ABCC3: variants seen among roughly 807,000 people sequenced by gnomAD.
The protein encoded by ABCC3 is ATP-binding cassette sub-family C member 3.
ABCC3 carries 121 observed loss-of-function variants against 165.3 expected under a neutral mutation model. The ratio of observed to expected loss-of-function variants is 0.73; its 90% CI spans 0.63 to 0.85. ABCC3 has a LOEUF of 0.85. Ranked by LOEUF, ABCC3 falls within the 40% of genes least tolerant of loss-of-function variation. ABCC3 has a pLI of 0.00. For synonymous variants in ABCC3, 733 were observed against 810.1 expected, an observed-to-expected ratio of 0.90 and a Z score of 1.62; for missense variants, 1,869 against 1,964.1, an observed-to-expected ratio of 0.95 and a Z score of 0.92.
At position 50,683,965 on chromosome 17, in the gene ABCC3, G is replaced by A. The variant is rs141856639; in HGVS notation, c.3971G>A (p.Arg1324His). ...HGGEKVGIVG[R>H]TGAGKSSMTL... ...TCCGCCCAGGTGGGGATCGTGGGCC[G>A]CACTGGGGCTGGCAAGTCTTCCATG... is the stretch of plus-strand genomic sequence containing the variant. Residue 1324 changes from arginine to histidine, a missense_variant, in exon 28 of 31, where the codon CGC (arginine) becomes CAC (histidine). Arg to His is a conservative substitution (Grantham distance 29). Transcript: ENST00000285238. 316 of 1,612,948 alleles carry A rather than the reference G, an allele frequency of 2.0e-4. 1 individual carries two copies. The African/African-American group carries it at 3.1e-3, about 16-fold the overall frequency.
chr17:50,663,338 G>A, intron 8 of ABCC3: 1 of 293,486 alleles, frequency 3.4e-6, no homozygotes, highest in South Asian at 5.3e-5. Context: ...CAGCCTAGGA[G>A]AAGGAGCAGG....
intron 26 of ABCC3, among the ~76,000 whole-genome samples, chr17:50,681,149 C>G (rs145281429): frequency 6.6e-6 from 1 of 152,190 alleles, no homozygotes; most frequent in Non-Finnish European, 1.5e-5. Flanking sequence ...GCTGCATGTT[C>G]CTGCTTTGCT....
In ABCC3 at chr17:50,660,962, C is replaced by T. The variant is rs757106214; in HGVS notation, c.846C>T (p.Gly282=). ...ASAAPGKNAS[G]EDEVLLGARP... The stretch of plus-strand genomic sequence containing the variant: ...CAGCACCTGGGAAAAATGCCTCCGG[C>T]GAGGACGAGGTGCTGCTGGGTGCCC... The change falls in exon 8 of 31, where the codon GGC becomes GGT. Residue 282 remains glycine, a synonymous_variant. Coordinates refer to ENST00000285238, the MANE Select transcript of ABCC3 (RefSeq NM_003786.4). The T allele has an allele frequency of 7.4e-6, 12 of 1,612,470 alleles. No homozygotes were observed. The highest frequency in any genetic ancestry group is 2.7e-5 in the African/African-American group (2 of 75,010).
In ABCC3 at chr17:50,691,209, C is replaced by G; in HGVS notation, c.*9C>G. On this transcript the variant is annotated 3_prime_UTR_variant, in exon 31 of 31. Transcript: ENST00000285238. ...ATGCTGGACTTGCCTAAAATATATT[C>G]CTGAGATTTCCTCCTGGCCTTTCCT... 6.3e-7 allele frequency: 1 copy of G among 1,595,906 alleles called. No homozygotes were observed.
intron 17 of ABCC3, among the ~76,000 whole-genome samples, chr17:50,672,030 C>A (rs1012178460): frequency 6.6e-6 from 1 of 151,916 alleles, no homozygotes; most frequent in African/African-American, 2.4e-5. Context: ...CCTCAGGTTT[C>A]TCTTTCTTTC....
intron 11 of ABCC3, among the ~76,000 whole-genome samples, chr17:50,665,538 C>T (rs1208738703): frequency 3.9e-5 from 6 of 152,152 alleles, no homozygotes; most frequent in Admixed American, 6.5e-5. Context: ...TTTCCCGCTG[C>T]ACTGTGCTAA....
intron 1 of ABCC3, among the ~76,000 whole-genome samples, chr17:50,649,511 A>G (rs995359998): frequency 5.3e-5 from 8 of 151,420 alleles, no homozygotes; most frequent in African/African-American, 1.9e-4. Flanking sequence ...TTGTTTACAT[A>G]TTGAATTATG....
intron 8 of ABCC3, among the ~76,000 whole-genome samples, chr17:50,662,601 G>A (rs1567830819): frequency 1.4e-5 from 2 of 140,964 alleles, no homozygotes; most frequent in African/African-American, 2.8e-5. Context: ...TGGCACCACC[G>A]CACTCCAGTC....
In ABCC3 at chr17:50,659,366, A is replaced by T. The variant is rs749273598; in HGVS notation, c.804A>T (p.Ala268=). 1.5e-5 allele frequency: 24 copies of T among 1,607,570 alleles called. No individual in the cohort carries two copies. The highest frequency in any genetic ancestry group is 1.7e-5 in the Non-Finnish European group (20 of 1,175,224). ...EAWRKQEKQT[A]RHKASAAPGK... The stretch of plus-strand genomic sequence containing the variant: ...GGAGGAAGCAGGAAAAGCAGACGGC[A>T]CGGTGAGGCCCTCCCCTTGCCCCAA... Residue 268 remains alanine (A), a splice_region_variant and synonymous_variant, in exon 7 of 31, where the codon GCA becomes GCT. Coordinates refer to ENST00000285238, the MANE Select transcript of ABCC3 (RefSeq NM_003786.4).
In ABCC3 at chr17:50,668,932, C is replaced by T. The variant is rs751112899; in HGVS notation, c.1937+13C>T. Reference sequence around the variant, plus strand: ...CCACTCTGCACAGGTACCAGCTTCTCCCACTCCCTTCCCAGCTGCCCACGG... The same window carrying T: ...CCACTCTGCACAGGTACCAGCTTCTTCCACTCCCTTCCCAGCTGCCCACGG... On this transcript the variant is annotated intron_variant, in intron 15 of 30. Transcript: ENST00000285238. 6.2e-7 allele frequency: 1 copy of T among 1,613,756 alleles called. No individual in the cohort carries two copies. The highest frequency in any genetic ancestry group is 1.6e-4 in the Middle Eastern group (1 of 6,062).
intron 1 of ABCC3, among the ~76,000 whole-genome samples, chr17:50,648,685 T>TGGTACTC (rs1245529074): frequency 1.3e-5 from 2 of 152,300 alleles, no homozygotes; most frequent in East Asian, 3.9e-4. Context: ...CCTTGGTCCT[T>TGGTACTC]GGTACTCTCA....
At chr17:50,643,848 G>C (rs1966936532) in intron 1 of ABCC3, among the ~76,000 whole-genome samples, 1 of 152,042 alleles carries the variant, frequency 6.6e-6, no homozygotes, top group Non-Finnish European at 1.5e-5. Flanking sequence ...AGATGCCATG[G>C]GGGGGGTCTT....
At position 50,684,695 on chromosome 17, in the gene ABCC3, CGTT is replaced by C. The variant is rs757438040; in HGVS notation, c.4114-11_4114-9del. 1 of 1,611,310 alleles carries C rather than the reference CGTT, an allele frequency of 6.2e-7. No individual in the cohort carries two copies. The highest frequency in any genetic ancestry group is 2.2e-5 in the East Asian group (1 of 44,804). On this transcript the variant is annotated splice_polypyrimidine_tract_variant and intron_variant, in intron 28 of 30. Transcript: ENST00000285238. ...CCTAAGCTGCCTCCCTCTGAGGCCA[CGTT>C]GTATCCCCAGGACCCCATCCTGTTC...
At chr17:50,673,920 CTTTCTTT>C (rs1967710195) in intron 19 of ABCC3, among the ~76,000 whole-genome samples, 2 of 13,984 alleles carry the variant, frequency 1.4e-4, no homozygotes, top group African/African-American at 7.4e-4. Context: ...TTCTTTCTTT[CTTTCTTT>C]CTTTCTTTCT....
intron 26 of ABCC3, among the ~76,000 whole-genome samples, chr17:50,681,387 T>G (rs1167314872): frequency 6.6e-6 from 1 of 152,138 alleles, no homozygotes; most frequent in Non-Finnish European, 1.5e-5. Flanking sequence ...ATCATCCCTT[T>G]CTGTTTCAAA....
At position 50,689,905 on chromosome 17, in the gene ABCC3, A is replaced by C. The variant is rs1039677059; in HGVS notation, c.4476-1187A>C. On this transcript the variant is annotated intron_variant, in intron 30 of 30. Coordinates refer to ENST00000285238, the MANE Select transcript of ABCC3 (RefSeq NM_003786.4). ...GATGGACCTTGGAGGTTGGGAGTTC[A>C]TTCATTCTAGTGGAACAGGCAGAAA... 3.1e-4 allele frequency among the ~76,000 whole-genome samples: 47 copies of C among 152,190 alleles called. 1 individual carries two copies. The highest frequency in any genetic ancestry group is 8.8e-5 in the Non-Finnish European group (6 of 68,042).
chr17:50,679,855 G>A lies in ABCC3; in HGVS notation c.3763G>A (p.Val1255Met), dbSNP rs778127283. 9.3e-6 allele frequency: 15 copies of A among 1,614,168 alleles called. No individual in the cohort carries two copies. Among genetic ancestry groups the A allele is most frequent in the East Asian group, 2.2e-5 (1 of 44,880 alleles). ...GATGTCAGATTTGGAATCTAACATC[G>A]TGGCTGTGGAGAGGGTCAAGGAGTA... is the stretch of plus-strand genomic sequence containing the variant. ...RMMSDLESNI[V>M]AVERVKEYSK... Residue 1255 changes from valine (V) to methionine (M), a missense_variant, in exon 26 of 31, where the codon GTG (valine) becomes ATG (methionine). Val to Met is a conservative substitution (Grantham distance 21). Coordinates refer to ENST00000285238, the MANE Select transcript of ABCC3 (RefSeq NM_003786.4).
intron 23 of ABCC3, 87 bp from the exon 24 acceptor site, chr17:50,677,657 C>A: frequency 7.5e-7 from 1 of 1,328,272 alleles, no homozygotes; most frequent in Non-Finnish European, 1.1e-6. Context: ...TGGGAGGACT[C>A]ATCTGAAAAT....
intron 26 of ABCC3, among the ~76,000 whole-genome samples, chr17:50,683,270 A>C (rs374317789): frequency 4.7e-5 from 7 of 150,234 alleles, no homozygotes; most frequent in African/African-American, 1.7e-4. Context: ...GCTACTAGGG[A>C]GGCTGAGGGA....
Sources: allele counts gnomAD v4.1 joint callset (sites outside exome capture counted in the v4.1 genomes callset), GRCh38; gene constraint gnomAD v4.1.1; transcripts MANE v1.5; gene names NCBI Gene and HGNC (gene_info 2026-07-23, HGNC 2026-07-21).